The following TDRD9 variants were observed in gnomAD, a reference collection of about 807,000 sequenced individuals.
The protein encoded by TDRD9 is tudor domain containing 9, also known as ATP-dependent RNA helicase TDRD9.
Under a neutral mutation model 172.6 loss-of-function variants are expected in TDRD9, and 124 were observed. The observed-to-expected ratio is 0.72, with a 90% CI of 0.62 to 0.83. The LOEUF (loss-of-function observed/expected upper bound fraction) is 0.83. Ranked by LOEUF, TDRD9 falls within the 40% of genes least tolerant of loss-of-function variation. The probability of loss-of-function intolerance (pLI) is 0.00; values close to 1 mark genes in which losing one functional copy is unlikely to be tolerated. For missense variants in TDRD9, 1,479 were observed against 1,714.1 expected (o/e 0.86, Z 2.42); for synonymous variants, 619 against 617.1 (o/e 1.00, Z -0.05).
chr14:103,940,555 T>C, intron 1 of TDRD9: 1 of 349,602 alleles, frequency 2.9e-6, no homozygotes, highest in South Asian at 6.8e-5. Context: ...GTGAGGTGGG[T>C]TTGAGGTATA....
At chr14:104,045,408 G>C (rs1381847419) in intron 34 of TDRD9, among the ~76,000 whole-genome samples, 4 of 80,004 alleles carry the variant, frequency 5.0e-5, no homozygotes, top group Admixed American at 5.0e-4. Flanking sequence ...TTTTTTTTTG[G>C]TGAAATGTCT....
intron 13 of TDRD9, among the ~76,000 whole-genome samples, chr14:103,999,803 G>C (rs1287940765): frequency 1.3e-5 from 2 of 151,940 alleles, no homozygotes; most frequent in Non-Finnish European, 2.9e-5. Context: ...ACAACCCTGT[G>C]AGGTAACGTA....
chr14:103,999,579 A>T (rs2034181211), intron 13 of TDRD9, among the ~76,000 whole-genome samples: 1 of 151,756 alleles, frequency 6.6e-6, no homozygotes, highest in Non-Finnish European at 1.5e-5. Flanking sequence ...GCAAGAACTG[A>T]TTTTACAGGA....
At chr14:103,956,101 AAAAAAAAAAAATATATAT>A (rs1402144826) in intron 2 of TDRD9, among the ~76,000 whole-genome samples, 19 of 54,220 alleles carry the variant, frequency 3.5e-4, no homozygotes, top group South Asian at 1.5e-3. Context: ...AAAAAAAAAA[AAAAAAAAAAAATATATAT>A]ATATATATAT....
At chr14:103,940,815 TG>T (rs2031177564) in intron 1 of TDRD9, 3 of 1,532,456 alleles carry the variant, frequency 2.0e-6, no homozygotes, top group Non-Finnish European at 2.6e-6. Context: ...CTTAACTAGA[TG>T]GGTGATAATA....
intron 1 of TDRD9, among the ~76,000 whole-genome samples, chr14:103,948,080 C>T (rs1312159418): frequency 1.3e-5 from 2 of 152,152 alleles, no homozygotes; most frequent in African/African-American, 2.4e-5. Flanking sequence ...GTGGTGCAAT[C>T]ATAGCTCACT....
chr14:103,948,401 A>C (rs1238841666), intron 1 of TDRD9, among the ~76,000 whole-genome samples: 1 of 152,174 alleles, frequency 6.6e-6, no homozygotes, highest in Non-Finnish European at 1.5e-5. Flanking sequence ...GTGAGAATGT[A>C]AAATGGTGGG....
At chr14:104,042,273 C>A in intron 34 of TDRD9, 86 bp downstream of exon 34, 1 of 907,064 alleles carries the variant, frequency 1.1e-6, no homozygotes, top group Non-Finnish European at 1.8e-6. Context: ...ATTGTGTAGG[C>A]AATGTGACAT....
At chr14:103,941,450 A>G (rs1386616354) in intron 1 of TDRD9, 3 of 1,535,190 alleles carry the variant, frequency 2.0e-6, no homozygotes, top group Non-Finnish European at 2.6e-6. Flanking sequence ...AAAGAACTTC[A>G]AGTTGTCTTT....
At chr14:104,019,403 A>G (rs1042366063) in intron 23 of TDRD9, among the ~76,000 whole-genome samples, 1 of 152,084 alleles carries the variant, frequency 6.6e-6, no homozygotes, top group Admixed American at 6.6e-5. Flanking sequence ...TTGCTCTGTC[A>G]TCAGGCTGGA....
At position 104,042,086 on chromosome 14, in the gene TDRD9, T is replaced by C; in HGVS notation, c.3873T>C (p.Ala1291=). ...EDVVEVNILR[A]AINKLVCDGP... is the part of the protein sequence containing the mutation. The stretch of plus-strand genomic sequence containing the variant: ...ATTTACAGGTTAATATTCTCAGGGC[T>C]GCTATTAACAAGCTAGTCTGTGATG... Residue 1291 remains alanine, a synonymous_variant, in exon 34 of 36, where the codon GCT becomes GCC. Coordinates refer to ENST00000409874, the MANE Select transcript of TDRD9 (RefSeq NM_153046.3). The C allele has an allele frequency of 6.2e-7, 1 of 1,609,088 alleles. No individual in the cohort carries two copies. The highest frequency in any genetic ancestry group is 8.5e-7 in the Non-Finnish European group (1 of 1,175,478).
intron 23 of TDRD9, 35 bp from the exon 24 acceptor site, chr14:104,022,122 A>G: frequency 6.6e-7 from 1 of 1,522,528 alleles, no homozygotes; most frequent in Non-Finnish European, 8.9e-7. Context: ...CAGATGCCTG[A>G]TAAATTTATT....
At chr14:103,956,903 A>G (rs140030723) in intron 2 of TDRD9, among the ~76,000 whole-genome samples, 2 of 152,202 alleles carry the variant, frequency 1.3e-5, no homozygotes, top group Non-Finnish European at 2.9e-5. Context: ...ATGAGAGGTC[A>G]TCTGTCATAG....
intron 11 of TDRD9, among the ~76,000 whole-genome samples, chr14:103,995,192 C>T (rs1448625306): frequency 6.6e-6 from 1 of 152,118 alleles, no homozygotes; most frequent in Admixed American, 6.5e-5. Context: ...TCCTTGAAAC[C>T]ACTCTGGTGA....
chr14:104,004,030 AG>A (rs1391343211), intron 13 of TDRD9, among the ~76,000 whole-genome samples: 10 of 152,304 alleles, frequency 6.6e-5, no homozygotes, highest in Middle Eastern at 3.4e-3. Context: ...CTAATTTTTT[AG>A]GATAGTCATT....
rs2034979313 is a variant in TDRD9 at position 104,022,293 on chromosome 14, G to T, written c.2569G>T (p.Val857Leu). 6.2e-7 allele frequency: 1 copy of T among 1,613,762 alleles called. No homozygotes were observed. Among genetic ancestry groups the T allele is most frequent in the African/African-American group, 1.3e-5 (1 of 75,042 alleles). The stretch of plus-strand genomic sequence containing the variant: ...TTCTGCAGAGGAAATTGAAGGGAAG[G>T]TGCAAGGCATGAACGTCTCAAAGCT... ...VHSAEEIEGK[V>L]QGMNVSKLRN... Residue 857 changes from valine (V) to leucine (L), a missense_variant, in exon 24 of 36, where the codon GTG becomes TTG. Around this residue, in one of 3 missense-constraint regions of TDRD9, gnomAD observed 1,413 missense variants for 1,649.1 expected, o/e 0.86. Transcript: ENST00000409874.
Position 103,995,341 on chromosome 14 carries a change from GC to G in TDRD9, c.1321-403del, listed in dbSNP as rs57353170. On this transcript the variant is annotated intron_variant, in intron 11 of 35. Transcript: ENST00000409874. ...TCAGGGGGCCTGAGTTGACAACGTC[GC>G]CCCCCTTGATTGCTTTGGAATCTCT... 9.0e-3 allele frequency among the ~76,000 whole-genome samples: 1,369 copies of G among 152,174 alleles called. 17 individuals carry two copies. The highest frequency in any genetic ancestry group is 0.031 in the African/African-American group (1,301 of 41,494).
At chr14:103,952,292 G>C (rs2031968479) in intron 1 of TDRD9, among the ~76,000 whole-genome samples, 2 of 123,842 alleles carry the variant, frequency 1.6e-5, no homozygotes, top group Non-Finnish European at 3.2e-5. Flanking sequence ...CCAGGCTGGA[G>C]TGCAGTGGTG....
Position 103,928,697 on chromosome 14 carries a change from C to T in TDRD9, c.188C>T (p.Pro63Leu), listed in dbSNP as rs2152111010. ...AAQAPALAQA[P>L]ARPAAAFERS... Reference sequence around the variant, plus strand: ...CAGGCTCCGGCTCTGGCCCAAGCTCCGGCCCGGCCGGCCGCTGCGTTCGAA... The same window carrying T: ...CAGGCTCCGGCTCTGGCCCAAGCTCTGGCCCGGCCGGCCGCTGCGTTCGAA... The change falls in exon 1 of 36, where the codon CCG becomes CTG. Residue 63 changes from proline to leucine, a missense_variant. Coordinates refer to ENST00000409874, the MANE Select transcript of TDRD9 (RefSeq NM_153046.3). 1 of 1,189,656 alleles carries T rather than the reference C, an allele frequency of 8.4e-7. No individual in the cohort carries two copies. The highest frequency in any genetic ancestry group is 1.0e-6 in the Non-Finnish European group (1 of 952,700). 73.7% of individuals were successfully genotyped at this position (1,189,656 alleles called of 1,614,324 possible).
Sources: allele counts gnomAD v4.1 joint callset (sites outside exome capture counted in the v4.1 genomes callset), GRCh38; gene constraint gnomAD v4.1.1; regional missense constraint gnomAD v4.1.1; transcripts MANE v1.5; gene names NCBI Gene and HGNC (gene_info 2026-07-23, HGNC 2026-07-21).